The following CLVS1 variants were observed in gnomAD, a reference collection of about 807,000 sequenced individuals.
The protein encoded by CLVS1 is clavesin-1.
A neutral mutation model predicts 33.1 loss-of-function variants in CLVS1; 10 were observed. The ratio of observed to expected loss-of-function variants is 0.30; its 90% CI spans 0.19 to 0.51. The LOEUF is 0.51. Ranked by LOEUF, CLVS1 falls within the 20% of genes least tolerant of loss-of-function variation. The probability of loss-of-function intolerance (pLI) is 0.97; values close to 1 mark genes in which losing one functional copy is unlikely to be tolerated. For missense variants in CLVS1, 343 were observed against 433.4 expected (o/e 0.79, Z 1.85); for synonymous variants, 163 against 166.1 (o/e 0.98, Z 0.14).
chr8:61,098,255 T>C (rs563945170), intron 1 of CLVS1, among the ~76,000 whole-genome samples: 20 of 152,182 alleles, frequency 1.3e-4, no homozygotes, highest in Admixed American at 1.0e-3. Context: ...ATGGTTTACA[T>C]AAACCCTGGG....
chr8:61,187,726 A>G (rs1341496457), intron 2 of CLVS1, among the ~76,000 whole-genome samples: 2 of 151,226 alleles, frequency 1.3e-5, no homozygotes, highest in African/African-American at 2.4e-5. Context: ...TAAAATGAAT[A>G]TATTAAATAT....
the CLVS1 span, chr8:60,966,154 T>C: frequency 1.0e-5 from 3 of 299,156 alleles, no homozygotes; most frequent in Non-Finnish European, 1.3e-5. Flanking sequence ...TTTCCCTCTT[T>C]CTTTCTTCTT....
At chr8:61,117,900 G>A (rs1046871206) in intron 1 of CLVS1, among the ~76,000 whole-genome samples, 4 of 151,996 alleles carry the variant, frequency 2.6e-5, no homozygotes, top group African/African-American at 4.8e-5. Flanking sequence ...ATGAGTTAGG[G>A]AGGATTCCCT....
At chr8:61,103,034 G>A (rs551870509) in intron 1 of CLVS1, among the ~76,000 whole-genome samples, 21 of 150,694 alleles carry the variant, frequency 1.4e-4, no homozygotes, top group African/African-American at 3.6e-4. Context: ...TTTCATTTAT[G>A]GAAGGTAGAA....
chr8:61,064,599 G>GT (rs1235647101), intron 1 of CLVS1, among the ~76,000 whole-genome samples: 1 of 151,136 alleles, frequency 6.6e-6, no homozygotes, highest in Non-Finnish European at 1.5e-5. Flanking sequence ...GGAGTGCAGG[G>GT]GCACGATCTC....
At chr8:61,189,964 A>G (rs928598743) in intron 2 of CLVS1, among the ~76,000 whole-genome samples, 2 of 152,036 alleles carry the variant, frequency 1.3e-5, no homozygotes, top group Non-Finnish European at 2.9e-5. Context: ...GACAGACCAA[A>G]GAGACAGAAA....
intron 3 of CLVS1, among the ~76,000 whole-genome samples, chr8:61,383,847 G>A (rs1272093572): frequency 6.6e-6 from 1 of 152,180 alleles, no homozygotes; most frequent in Non-Finnish European, 1.5e-5. Context: ...CATTTAGGAA[G>A]CAGTCACTAA....
rs554045302 is a variant in CLVS1 at position 61,457,071 on chromosome 8, G to T, written c.742-1236G>T. ...TCCTTCTCCAGCCTCCTGAGTAGCTGGGATTACAGGCGTGCCCCACCATGC... is the reference window on the plus strand; with the variant it reads ...TCCTTCTCCAGCCTCCTGAGTAGCTTGGATTACAGGCGTGCCCCACCATGC... On this transcript the variant is annotated intron_variant, in intron 4 of 5. Coordinates refer to ENST00000325897, the MANE Select transcript of CLVS1 (RefSeq NM_173519.3). Among the ~76,000 whole-genome samples, 8 of 151,874 alleles carry T rather than the reference G, an allele frequency of 5.3e-5. 2 individuals carry two copies. Among genetic ancestry groups the T allele is most frequent in the African/African-American group, 1.9e-4 (8 of 41,480 alleles).
chr8:61,421,550 A>G (rs897113317), intron 3 of CLVS1, among the ~76,000 whole-genome samples: 3 of 152,156 alleles, frequency 2.0e-5, no homozygotes, highest in Admixed American at 1.3e-4. Context: ...GCTAACTACA[A>G]TGCCCTAGCA....
At chr8:61,338,280 GA>G (rs777303755) in intron 2 of CLVS1, among the ~76,000 whole-genome samples, 56 of 150,376 alleles carry the variant, frequency 3.7e-4, no homozygotes, top group East Asian at 3.5e-3. Flanking sequence ...TAGGAAAATG[GA>G]AAAAAAAAGA....
At chr8:61,134,395 TG>T (rs1806154888) in intron 2 of CLVS1, among the ~76,000 whole-genome samples, 1 of 152,206 alleles carries the variant, frequency 6.6e-6, no homozygotes, top group Non-Finnish European at 1.5e-5. Context: ...CACCTGTTTT[TG>T]TTTGGCCAGT....
At chr8:61,203,439 T>C (rs1452611405) in intron 2 of CLVS1, among the ~76,000 whole-genome samples, 1 of 152,070 alleles carries the variant, frequency 6.6e-6, no homozygotes, top group East Asian at 1.9e-4. Flanking sequence ...GTTTTAAGTA[T>C]GTATGGAATG....
intron 2 of CLVS1, among the ~76,000 whole-genome samples, chr8:61,348,205 C>T (rs1812306242): frequency 1.3e-5 from 2 of 151,782 alleles, no homozygotes; most frequent in African/African-American, 4.8e-5. Context: ...TATGTGATAT[C>T]ATGCAATATT....
rs112588925 is a variant in CLVS1, at chr8:61,341,372, C to T, written c.456-35233C>T. On this transcript the variant is annotated intron_variant, in intron 2 of 5. Transcript: ENST00000325897. ...AGGCATTCTCTGGCCTGCAGAAGAGCGCTCATTGTCCTCTGCGGTCCATTT... is the reference window on the plus strand; with the variant it reads ...AGGCATTCTCTGGCCTGCAGAAGAGTGCTCATTGTCCTCTGCGGTCCATTT... Among the ~76,000 whole-genome samples the T allele has an allele frequency of 5.2e-3, 791 of 152,310 alleles. 4 individuals are homozygous for T. The highest frequency in any genetic ancestry group is 0.017 in the African/African-American group (714 of 41,554).
chr8:61,033,055 GAAAGA>G, the CLVS1 span, among the ~76,000 whole-genome samples: 1 of 60,546 alleles, frequency 1.7e-5, no homozygotes, highest in Admixed American at 1.4e-4. Flanking sequence ...GAAAAAGAAA[GAAAGA>G]TAGAAAGAAA....
chr8:61,098,067 G>C (rs924447682), intron 1 of CLVS1, among the ~76,000 whole-genome samples: 3 of 152,176 alleles, frequency 2.0e-5, no homozygotes, highest in African/African-American at 7.2e-5. Context: ...AGTTGTGGCA[G>C]AAGGATTGCT....
At chr8:60,983,872 G>A in the CLVS1 span, among the ~76,000 whole-genome samples, 4 of 152,118 alleles carry the variant, frequency 2.6e-5, no homozygotes, top group Non-Finnish European at 4.4e-5. Flanking sequence ...TAGGACTTTT[G>A]GGCAGGTCTT....
At chr8:61,066,312 A>G (rs1804677213) in intron 1 of CLVS1, among the ~76,000 whole-genome samples, 1 of 152,196 alleles carries the variant, frequency 6.6e-6, no homozygotes, top group African/African-American at 2.4e-5. Flanking sequence ...CCCGGGCAAC[A>G]TGGTGAAACC....
intron 1 of CLVS1, among the ~76,000 whole-genome samples, chr8:61,093,339 G>C (rs1044818527): frequency 1.3e-5 from 2 of 152,168 alleles, no homozygotes; most frequent in African/African-American, 4.8e-5. Flanking sequence ...ACAATGGCTA[G>C]TGCAACAATT....
Sources: allele counts gnomAD v4.1 joint callset (sites outside exome capture counted in the v4.1 genomes callset), GRCh38; gene constraint gnomAD v4.1.1; transcripts MANE v1.5; gene names NCBI Gene and HGNC (gene_info 2026-07-23, HGNC 2026-07-21).